The following ARHGAP6 variants were observed in gnomAD, a reference collection of about 807,000 sequenced individuals.
The protein encoded by ARHGAP6 is rho GTPase-activating protein 6.
A neutral mutation model predicts 55.7 loss-of-function variants in ARHGAP6; 16 were observed. The observed-to-expected ratio is 0.29, with a 90% CI of 0.19 to 0.44. The LOEUF (loss-of-function observed/expected upper bound fraction) is 0.44, where lower values mean the gene tolerates loss of function less well. Ranked by LOEUF, ARHGAP6 falls within the 20% of genes least tolerant of loss-of-function variation. ARHGAP6 has a pLI of 1.00. For synonymous variants in ARHGAP6, 382 were observed against 360.9 expected, an observed-to-expected ratio of 1.06 and a Z score of -0.66; for missense variants, 698 against 808.9, an observed-to-expected ratio of 0.86 and a Z score of 1.66.
At chrX:11,542,164 A>G (rs1044927273) in intron 1 of ARHGAP6, among the ~76,000 whole-genome samples, 5 of 110,246 alleles carry the variant, frequency 4.5e-5, no homozygotes, top group African/African-American at 1.7e-4. Flanking sequence ...TCACTGGAAG[A>G]CAATTAAATC....
chrX:11,248,010 C>T (rs921657077), intron 2 of ARHGAP6, among the ~76,000 whole-genome samples: 4 of 111,920 alleles, frequency 3.6e-5, no homozygotes, highest in Non-Finnish European at 5.6e-5. Flanking sequence ...TCCAGATTCT[C>T]AAAAGCATTT....
At chrX:11,274,929 G>A (rs184663303) in intron 1 of ARHGAP6, among the ~76,000 whole-genome samples, 3 of 111,291 alleles carry the variant, frequency 2.7e-5, no homozygotes, top group African/African-American at 9.8e-5. Flanking sequence ...TTTCTTTTAC[G>A]CACATAATGA....
chrX:11,617,969 T>C (rs2052184589), intron 1 of ARHGAP6, among the ~76,000 whole-genome samples: 1 of 111,736 alleles, frequency 8.9e-6, no homozygotes, highest in Admixed American at 9.5e-5. Context: ...TCTAATTTTC[T>C]TTTTACTCCT....
At chrX:11,540,545 G>C (rs1196281816) in intron 1 of ARHGAP6, among the ~76,000 whole-genome samples, 1 of 111,317 alleles carries the variant, frequency 9.0e-6, no homozygotes, top group South Asian at 3.8e-4. Context: ...CCAAATAGCT[G>C]GTCATTTTGA....
At chrX:11,599,465 C>A (rs1298935609) in intron 1 of ARHGAP6, among the ~76,000 whole-genome samples, 3 of 111,718 alleles carry the variant, frequency 2.7e-5, no homozygotes, top group Non-Finnish European at 3.8e-5. Flanking sequence ...TAACAATACT[C>A]AAAAATCTAT....
At chrX:11,490,344 A>G (rs2050555237) in intron 1 of ARHGAP6, among the ~76,000 whole-genome samples, 1 of 111,623 alleles carries the variant, frequency 9.0e-6, no homozygotes. Context: ...CGTAGCCCCC[A>G]GCCAACAGTC....
chrX:11,245,984 AT>A (rs757345689), intron 2 of ARHGAP6, among the ~76,000 whole-genome samples: 26 of 111,708 alleles, frequency 2.3e-4, no homozygotes, highest in Admixed American at 2.1e-3. Flanking sequence ...GAGCCTTGGG[AT>A]TTTTGTTTGC....
intron 1 of ARHGAP6, among the ~76,000 whole-genome samples, chrX:11,516,156 G>C (rs200134293): frequency 8.9e-6 from 1 of 112,495 alleles, no homozygotes; most frequent in African/African-American, 3.2e-5. Flanking sequence ...CTTGTCAGTC[G>C]AAAAGTTAGT....
intron 1 of ARHGAP6, among the ~76,000 whole-genome samples, chrX:11,432,989 C>A (rs1169191587): frequency 8.9e-6 from 1 of 112,486 alleles, no homozygotes; most frequent in Non-Finnish European, 1.9e-5. Context: ...CCCTCTTAAC[C>A]CTTCCAGGGA....
chrX:11,280,078 A>T (rs192087237), intron 1 of ARHGAP6, among the ~76,000 whole-genome samples: 1 of 111,619 alleles, frequency 9.0e-6, no homozygotes, highest in Non-Finnish European at 1.9e-5. Flanking sequence ...AACATCCTAC[A>T]GTGCACAGAA....
At chrX:11,640,037 T>C (rs2052458274) in intron 1 of ARHGAP6, among the ~76,000 whole-genome samples, 1 of 111,957 alleles carries the variant, frequency 8.9e-6, no homozygotes, top group Non-Finnish European at 1.9e-5. Context: ...TGACTGCTGA[T>C]GTTAATAGAG....
At chrX:11,486,967 T>A (rs1265053320) in intron 1 of ARHGAP6, among the ~76,000 whole-genome samples, 1 of 109,906 alleles carries the variant, frequency 9.1e-6, no homozygotes, top group Non-Finnish European at 1.9e-5. Context: ...GTGGTGGCAA[T>A]GGGAGATTGG....
At chrX:11,162,439 C>G (rs2045963986) in intron 9 of ARHGAP6, among the ~76,000 whole-genome samples, 1 of 106,667 alleles carries the variant, frequency 9.4e-6, no homozygotes, top group Admixed American at 1.0e-4. Context: ...TAAATGATGT[C>G]TCATTTTCCT....
intron 2 of ARHGAP6, among the ~76,000 whole-genome samples, chrX:11,250,753 G>A (rs2047413543): frequency 9.0e-6 from 1 of 111,297 alleles, no homozygotes; most frequent in African/African-American, 3.3e-5. Flanking sequence ...AGCCCACCTA[G>A]ACAATCCAGG....
chrX:11,585,401 T>A (rs1368054112), intron 1 of ARHGAP6, among the ~76,000 whole-genome samples: 1 of 112,586 alleles, frequency 8.9e-6, no homozygotes, highest in East Asian at 2.8e-4. Flanking sequence ...ACCAGCAGTG[T>A]ATAAGTGTTT....
chrX:11,320,766 T>TACACACACACACAC (rs56815077), intron 1 of ARHGAP6, among the ~76,000 whole-genome samples: 7 of 85,668 alleles, frequency 8.2e-5, no homozygotes, highest in East Asian at 8.2e-4. Flanking sequence ...AATATCTCTT[T>TACACACACACACAC]ACACACACAC....
At chrX:11,145,629 AC>A (rs1441017152) in intron 10 of ARHGAP6, among the ~76,000 whole-genome samples, 4 of 112,143 alleles carry the variant, frequency 3.6e-5, no homozygotes, top group Non-Finnish European at 3.8e-5. Context: ...CATCTGTCTC[AC>A]CTGGGAACTT....
At chrX:11,199,392 T>G (rs779644154) in intron 2 of ARHGAP6, among the ~76,000 whole-genome samples, 3 of 111,697 alleles carry the variant, frequency 2.7e-5, no homozygotes, top group Non-Finnish European at 3.8e-5. Flanking sequence ...CCACTCCAGA[T>G]ATGCTAAATC....
chrX:11,486,975 T>G (rs1036748280), intron 1 of ARHGAP6, among the ~76,000 whole-genome samples: 1 of 110,383 alleles, frequency 9.1e-6, no homozygotes, highest in Non-Finnish European at 1.9e-5. Flanking sequence ...AATGGGAGAT[T>G]GGGTACATAT....
Sources: gnomAD v4.1 joint callset for allele counts (sites outside exome capture counted in the v4.1 genomes callset) on GRCh38, gnomAD v4.1.1 for gene constraint, MANE v1.5 for transcripts, NCBI Gene and HGNC (gene_info 2026-07-23, HGNC 2026-07-21) for gene names.